UIMC1: variants seen among roughly 807,000 people sequenced by gnomAD.
UIMC1 encodes the protein ubiquitin interaction motif containing 1, also known as BRCA1-A complex subunit RAP80.
A neutral mutation model predicts 84.9 loss-of-function variants in UIMC1; 42 were observed. The ratio of observed to expected loss-of-function variants is 0.49; its 90% CI spans 0.39 to 0.64. The LOEUF (loss-of-function observed/expected upper bound fraction) is 0.64. UIMC1 is among the 30% of genes least tolerant of loss of function. UIMC1 has a pLI of 0.00. For missense variants in UIMC1, 825 were observed against 847.6 expected (o/e 0.97, Z 0.33); for synonymous variants, 281 against 293.0 (o/e 0.96, Z 0.42).
chr5:176,974,869 G>C (rs1318087156), intron 3 of UIMC1, among the ~76,000 whole-genome samples: 1 of 152,038 alleles, frequency 6.6e-6, no homozygotes, highest in African/African-American at 2.4e-5. Flanking sequence ...TGTAAGTTCA[G>C]AATGGGGGCT....
intron 5 of UIMC1, 62 bp downstream of exon 5, chr5:176,969,539 A>G: frequency 6.5e-7 from 1 of 1,536,676 alleles, no homozygotes. Context: ...TACTCTCAGC[A>G]TGAGATCCCT....
intron 12 of UIMC1, 75 bp from the exon 13 acceptor site, chr5:176,907,252 C>T (rs747590125): frequency 5.0e-6 from 7 of 1,391,632 alleles, no homozygotes; most frequent in Non-Finnish European, 7.0e-6. Flanking sequence ...GCCCAGATCA[C>T]ACGTGTTCAT....
chr5:176,985,148 T>G lies in UIMC1; in HGVS notation c.-8-2525A>C, dbSNP rs533061958. Among the ~76,000 whole-genome samples, 164 of 147,448 alleles carry G rather than the reference T, an allele frequency of 1.1e-3. 1 individual carries two copies. Among genetic ancestry groups the G allele is most frequent in the African/African-American group, 3.2e-3 (128 of 40,172 alleles). On this transcript the variant is annotated intron_variant, in intron 1 of 14. Transcript: ENST00000511320. ...TTAGAAAAATATAGGGAAAAAATGG[T>G]TTTTTTTTCTATAGAGAGAAACATA...
upstream of UIMC1, among the ~76,000 whole-genome samples, chr5:177,007,465 A>G (rs188535648): frequency 2.1e-3 from 314 of 152,336 alleles, 1 homozygote; most frequent in African/African-American, 7.1e-3. Flanking sequence ...AGAAATGTCC[A>G]ATAAGTCTCG....
chr5:177,018,322 C>T (rs1051116543), intron 1 of UIMC1, among the ~76,000 whole-genome samples: 1 of 150,406 alleles, frequency 6.6e-6, no homozygotes, highest in Admixed American at 6.6e-5. Flanking sequence ...TGCACTCCAG[C>T]CTGGGTGACA....
intron 3 of UIMC1, among the ~76,000 whole-genome samples, chr5:176,974,944 A>G (rs887035966): frequency 5.9e-5 from 9 of 152,100 alleles, no homozygotes; most frequent in Admixed American, 2.6e-4. Context: ...GCTTGAGGCC[A>G]GGAGTTTGAG....
intron 6 of UIMC1, among the ~76,000 whole-genome samples, chr5:176,960,672 CG>C (rs1767275551): frequency 3.0e-5 from 1 of 33,146 alleles, no homozygotes; most frequent in South Asian, 8.2e-4. Context: ...CGTCTCCCCA[CG>C]GTCTCCCTCT....
intron 9 of UIMC1, among the ~76,000 whole-genome samples, chr5:176,950,042 C>G (rs1373743339): frequency 2.0e-5 from 3 of 147,246 alleles, no homozygotes; most frequent in Non-Finnish European, 4.5e-5. Flanking sequence ...CAGACAAGAG[C>G]AAGACTTTGT....
intron 1 of UIMC1, among the ~76,000 whole-genome samples, chr5:177,004,506 T>G (rs758255738): frequency 8.5e-5 from 13 of 152,202 alleles, no homozygotes; most frequent in Non-Finnish European, 1.9e-4. Flanking sequence ...CTATCTTCAC[T>G]TATTGAACTA....
upstream of UIMC1, among the ~76,000 whole-genome samples, chr5:177,010,088 T>C (rs754444358): frequency 6.6e-6 from 1 of 151,330 alleles, no homozygotes; most frequent in Non-Finnish European, 1.5e-5. Context: ...TGGTGGTGTG[T>C]GTCTGTAGTC....
Position 177,000,498 on chromosome 5 carries a change from C to CTTTT in UIMC1, c.-9+6148_-9+6151dup, listed in dbSNP as rs966855813. On this transcript the variant is annotated intron_variant, in intron 1 of 14. Coordinates refer to ENST00000511320, the MANE Select transcript of UIMC1 (RefSeq NM_001199298.2). ...ATATGCCTGTTTTCCACTTGCATGT[C>CTTTT]TTTTTTTTTTTTTTTTTTTGAGATG... Among the ~76,000 whole-genome samples, 694 of 113,334 alleles carry CTTTT rather than the reference C, an allele frequency of 6.1e-3. 32 individuals are homozygous for CTTTT. Among genetic ancestry groups the CTTTT allele is most frequent in the African/African-American group, 0.025 (631 of 25,072 alleles). The allele number at this position is 113,334 out of a possible 152,430, so 74.4% of individuals were successfully genotyped here. A position where few individuals can be genotyped will look rare whatever the true frequency, so the allele number is the denominator to read the frequency against.
chr5:176,933,003 A>G (rs188885854), intron 10 of UIMC1, among the ~76,000 whole-genome samples: 4 of 151,704 alleles, frequency 2.6e-5, no homozygotes, highest in Admixed American at 2.6e-4. Flanking sequence ...ACTTCTGTTC[A>G]CACCGATTAG....
rs142335695 is a variant in UIMC1 at position 176,911,953 on chromosome 5, C to T, written c.1598-564G>A. On this transcript the variant is annotated intron_variant, in intron 10 of 14. Coordinates refer to ENST00000511320, the MANE Select transcript of UIMC1 (RefSeq NM_001199298.2). ...CTTTAGCCCAAATGATACACAAATA[C>T]ATTGTCTCTCACACCAAAAGACATC... is the stretch of plus-strand genomic sequence containing the variant. 9.1e-3 allele frequency among the ~76,000 whole-genome samples: 1,384 copies of T among 152,334 alleles called. 8 individuals carry two copies. The highest frequency in any genetic ancestry group is 0.025 in the South Asian group (121 of 4,828).
intron 1 of UIMC1, among the ~76,000 whole-genome samples, chr5:177,006,089 C>G (rs1409439909): frequency 6.6e-6 from 1 of 152,194 alleles, no homozygotes; most frequent in Non-Finnish European, 1.5e-5. Context: ...GAGCGCGGGC[C>G]TGGCGCCCCG....
At chr5:176,975,134 C>G (rs530711943) in intron 3 of UIMC1, among the ~76,000 whole-genome samples, 1 of 152,040 alleles carries the variant, frequency 6.6e-6, no homozygotes, top group East Asian at 1.9e-4. Context: ...AGAGTGAGAT[C>G]CTGTCTCTAA....
chr5:176,949,773 T>A (rs1429214193), intron 9 of UIMC1, among the ~76,000 whole-genome samples: 2 of 152,124 alleles, frequency 1.3e-5, no homozygotes, highest in Non-Finnish European at 2.9e-5. Context: ...TTTTTAAAAA[T>A]CCCAGGCCGG....
At chr5:176,950,494 T>C (rs1765727714) in intron 9 of UIMC1, among the ~76,000 whole-genome samples, 1 of 152,152 alleles carries the variant, frequency 6.6e-6, no homozygotes, top group Non-Finnish European at 1.5e-5. Context: ...CTCAGGTTGC[T>C]TGTGACAGCA....
Position 176,992,069 on chromosome 5 carries a change from G to A in UIMC1, c.-8-9446C>T, listed in dbSNP as rs532894507. On this transcript the variant is annotated intron_variant, in intron 1 of 14. Transcript: ENST00000511320. ...CCTAGGGAGGTGGAGGCTGCATTGAGCCATGATGGCGCCACTGCACTCTAG... is the reference window on the plus strand; with the variant it reads ...CCTAGGGAGGTGGAGGCTGCATTGAACCATGATGGCGCCACTGCACTCTAG... Among the ~76,000 whole-genome samples the A allele has an allele frequency of 1.6e-4, 24 of 152,190 alleles. 1 individual carries two copies. The South Asian group carries it at 5.0e-3, about 32-fold the overall frequency.
chr5:176,958,294 G>T, intron 6 of UIMC1, 140 bp from the exon 7 acceptor site: 1 of 621,046 alleles, frequency 1.6e-6, no homozygotes, highest in Non-Finnish European at 2.6e-6. Flanking sequence ...AAGCCAGTAA[G>T]TGTCAATAAA....
Sources: allele counts gnomAD v4.1 joint callset (sites outside exome capture counted in the v4.1 genomes callset), GRCh38; gene constraint gnomAD v4.1.1; transcripts MANE v1.5; gene names NCBI Gene and HGNC (gene_info 2026-07-23, HGNC 2026-07-21).